Variants in PCDHGB4 observed in about 807,000 individuals in gnomAD.
PCDHGB4 encodes the protein protocadherin gamma subfamily B, 4, also known as protocadherin gamma-B4.
In PCDHGB4, 38 loss-of-function variants were observed where a neutral mutation model predicts 60.5. The observed-to-expected ratio is 0.63, with a 90% confidence interval of 0.48 to 0.82. The LOEUF is 0.82. Among genes scored for constraint, PCDHGB4 ranks in the 40% least tolerant of loss-of-function variants. PCDHGB4 has a pLI of 0.00. For missense variants in PCDHGB4, 1,109 were observed against 1,209.6 expected, an observed-to-expected ratio of 0.92 and a Z score of 1.23; for synonymous variants, 456 against 509.7, an observed-to-expected ratio of 0.89 and a Z score of 1.42.
intron 1 of PCDHGB4, among the ~76,000 whole-genome samples, chr5:141,434,225 G>A (rs1591320318): frequency 6.6e-6 from 1 of 152,146 alleles, no homozygotes; most frequent in African/African-American, 2.4e-5. Flanking sequence ...AACAAAGTAC[G>A]ATTTCTGGAC....
At position 141,436,830 on chromosome 5, in the gene PCDHGB4, T is replaced by C. The variant is rs1054296892; in HGVS notation, c.2397+46549T>C. On this transcript the variant is annotated intron_variant, in intron 1 of 3. Coordinates refer to ENST00000519479, the MANE Select transcript of PCDHGB4 (RefSeq NM_003736.4). ...TGACAGCTGGTTTAAAAATCTTAAGTGCCTAGGCACATTCTTGATTGAGAA... is the reference window on the plus strand; with the variant it reads ...TGACAGCTGGTTTAAAAATCTTAAGCGCCTAGGCACATTCTTGATTGAGAA... Among the ~76,000 whole-genome samples, 37 of 152,252 alleles carry C rather than the reference T, an allele frequency of 2.4e-4. 1 individual carries two copies.
In PCDHGB4 at chr5:141,393,089, G is replaced by A. The variant is rs1168367249; in HGVS notation, c.2397+2808G>A. 4 of 1,613,660 alleles carry A rather than the reference G, an allele frequency of 2.5e-6. No homozygotes were observed. In the East Asian group the frequency reaches 6.7e-5, roughly 27 times the overall value. ...TGATCACCGCGGGCAGGATAGATCGGGAGGAGCTCTGCGCTCAGAGCCCGC... is the reference window on the plus strand; with the variant it reads ...TGATCACCGCGGGCAGGATAGATCGAGAGGAGCTCTGCGCTCAGAGCCCGC... On this transcript the variant is annotated intron_variant, in intron 1 of 3. Transcript: ENST00000519479.
chr5:141,392,628 A>C (rs2092566593), intron 1 of PCDHGB4: 2 of 588,334 alleles, frequency 3.4e-6, no homozygotes, highest in South Asian at 5.4e-5. Flanking sequence ...AAACACTCAG[A>C]TCTCACACCT....
chr5:141,482,071 A>G (rs2099551527), intron 1 of PCDHGB4, among the ~76,000 whole-genome samples: 1 of 145,394 alleles, frequency 6.9e-6, no homozygotes, highest in Non-Finnish European at 1.5e-5. Flanking sequence ...GGCAACAAGA[A>G]CAAAACTCAC....
At position 141,427,779 on chromosome 5, in the gene PCDHGB4, C is replaced by T. The variant is rs1196661076; in HGVS notation, c.2397+37498C>T. On this transcript the variant is annotated intron_variant, in intron 1 of 3. Transcript: ENST00000519479. Reference sequence around the variant, plus strand: ...TACCACTGACTTGGAGCTGCGGGCACTGTCGTCCTACGTGTCCGTGAGCGC... The same window carrying T: ...TACCACTGACTTGGAGCTGCGGGCATTGTCGTCCTACGTGTCCGTGAGCGC... 2.1e-6 allele frequency: 3 copies of T among 1,454,498 alleles called. No individual in the cohort carries two copies. The East Asian group carries it at 6.8e-5, about 33-fold the overall frequency. The allele number at this position is 1,454,498 out of a possible 1,614,324, so 90.1% of individuals were successfully genotyped here. A position where few individuals can be genotyped will look rare whatever the true frequency, so the allele number is the denominator to read the frequency against.
chr5:141,495,005 C>T (rs555909709), intron 2 of PCDHGB4, 140 bp downstream of exon 2: 1,141 of 1,522,692 alleles, frequency 7.5e-4, no homozygotes, highest in Non-Finnish European at 8.4e-4. Context: ...TCTTGGTGTG[C>T]GGGGGGCTGG....
intron 1 of PCDHGB4, chr5:141,408,447 G>A (rs536531313): frequency 3.1e-6 from 5 of 1,614,064 alleles, no homozygotes; most frequent in Admixed American, 1.7e-5. Context: ...GCGGAGAGCG[G>A]GGACTTACTT....
chr5:141,486,565 TC>T lies in PCDHGB4; in HGVS notation c.2398-8240del. The T allele has an allele frequency of 6.2e-7, 1 of 1,614,024 alleles. No homozygotes were observed. The highest frequency in any genetic ancestry group is 2.2e-5 in the East Asian group (1 of 44,880). On this transcript the variant is annotated intron_variant, in intron 1 of 3. Transcript: ENST00000519479. This position sits in a 1 kb window ranked among gnomAD's most constrained non-coding sequence, Gnocchi z 5.0. Reference sequence around the variant, plus strand: ...TTCAGAGGTCACATGAGGTGTTTGTTCCTGAGAACAATCGCCCAGGGGACCT... The same window carrying T: ...TTCAGAGGTCACATGAGGTGTTTGTTCTGAGAACAATCGCCCAGGGGACCT...
At chr5:141,415,252 C>T (rs895920596) in intron 1 of PCDHGB4, 5 of 1,614,098 alleles carry the variant, frequency 3.1e-6, no homozygotes, top group Non-Finnish European at 4.2e-6. Context: ...AACCTCAGAC[C>T]TCACTCTGTA....
rs1437533706 is a variant in PCDHGB4, at chr5:141,511,419, G to C, written c.*246G>C. On this transcript the variant is annotated 3_prime_UTR_variant, in exon 4 of 4. Transcript: ENST00000519479. ...ATCCAATCAACTGCTGTACCCATGG[G>C]GGTAGTGGGGTTACTGTAGACACCA... The C allele has an allele frequency of 2.4e-6, 2 of 830,456 alleles. No individual in the cohort carries two copies. The highest frequency in any genetic ancestry group is 5.8e-5 in the East Asian group (2 of 34,260). 51.4% of individuals were successfully genotyped at this position (830,456 alleles called of 1,614,324 possible).
At chr5:141,412,067 G>A (rs1428018643) in intron 1 of PCDHGB4, 2 of 152,170 alleles carry the variant, frequency 1.3e-5, no homozygotes, top group Non-Finnish European at 2.9e-5. Context: ...TTGCATTTGA[G>A]GGAACAATTG....
chr5:141,393,533 G>T (rs1475648389), intron 1 of PCDHGB4: 2 of 1,613,950 alleles, frequency 1.2e-6, no homozygotes, highest in South Asian at 1.1e-5. Flanking sequence ...ACAATGCCCC[G>T]GTTTTTCCTC....
In PCDHGB4 at chr5:141,487,737, T is replaced by G. The variant is rs1019622307; in HGVS notation, c.2398-7070T>G. 1 of 1,563,758 alleles carries G rather than the reference T, an allele frequency of 6.4e-7. No homozygotes were observed. The highest frequency in any genetic ancestry group is 8.7e-7 in the Non-Finnish European group (1 of 1,152,772). On this transcript the variant is annotated intron_variant, in intron 1 of 3. Transcript: ENST00000519479. This position sits in a 1 kb window ranked among gnomAD's most constrained non-coding sequence, Gnocchi z 5.0. ...GCCCATAGTGATGTCACCATTTTTG[T>G]AAGAGGTAACTATGTGGTAGACGCT...
Position 141,485,057 on chromosome 5 carries a change from C to A in PCDHGB4, c.2398-9750C>A, listed in dbSNP as rs2099605934. ...GTAACCCTTGCGGCGCCGGCCGAACCGCGCCAGAGCTGGCGCGGGGAAAGG... is the reference window on the plus strand; with the variant it reads ...GTAACCCTTGCGGCGCCGGCCGAACAGCGCCAGAGCTGGCGCGGGGAAAGG... On this transcript the variant is annotated intron_variant, in intron 1 of 3. Coordinates refer to ENST00000519479, the MANE Select transcript of PCDHGB4 (RefSeq NM_003736.4). The surrounding 1 kb of genome is among the most constrained non-coding windows in gnomAD (Gnocchi z 5.7). The A allele has an allele frequency of 2.4e-6, 2 of 843,718 alleles. No homozygotes were observed. Among genetic ancestry groups the A allele is most frequent in the South Asian group, 1.7e-5 (1 of 59,950 alleles). 52.3% of individuals were successfully genotyped at this position (843,718 alleles called of 1,614,324 possible).
intron 1 of PCDHGB4, chr5:141,478,008 C>T: frequency 6.2e-7 from 1 of 1,614,124 alleles, no homozygotes; most frequent in Non-Finnish European, 8.5e-7. Flanking sequence ...ATCAGTACTG[C>T]CCGTCCAGTC....
intron 1 of PCDHGB4, among the ~76,000 whole-genome samples, chr5:141,406,298 T>G (rs2154537368): frequency 6.6e-6 from 1 of 152,178 alleles, no homozygotes; most frequent in East Asian, 1.9e-4. Flanking sequence ...GGGTGAGGTG[T>G]GAACCACCTC....
chr5:141,494,601 A>T (rs1396717178), intron 1 of PCDHGB4, among the ~76,000 whole-genome samples: 1 of 151,892 alleles, frequency 6.6e-6, no homozygotes, highest in East Asian at 1.9e-4. Context: ...ATGAAATGTG[A>T]TTTATCTCTT....
intron 1 of PCDHGB4, chr5:141,409,193 TGTAAA>T (rs2095239502): frequency 1.2e-6 from 2 of 1,613,988 alleles, no homozygotes; most frequent in African/African-American, 1.3e-5. Context: ...CTCTACCCAG[TGTAAA>T]GTAATCATAG....
At chr5:141,422,287 A>G in intron 1 of PCDHGB4, 3 of 1,553,500 alleles carry the variant, frequency 1.9e-6, no homozygotes, top group South Asian at 1.3e-5. Context: ...CACCTCTTCT[A>G]TTAATTCAAT....
Sources: gnomAD v4.1 joint callset for allele counts (sites outside exome capture counted in the v4.1 genomes callset) on GRCh38, gnomAD v4.1.1 for gene constraint, Gnocchi (gnomAD v3.1) non-coding constraint, MANE v1.5 for transcripts, NCBI Gene and HGNC (gene_info 2026-07-23, HGNC 2026-07-21) for gene names.